The following FRMD3 variants were observed in gnomAD, a reference collection of about 807,000 sequenced individuals.
FRMD3 encodes FERM domain-containing protein 3.
FRMD3 carries 33 observed loss-of-function variants against 70.2 expected under a neutral mutation model. The observed-to-expected ratio is 0.47, with a 90% CI of 0.36 to 0.63. The LOEUF is 0.63. FRMD3 is among the 20% of genes least tolerant of loss of function. The pLI is 0.00. For missense variants in FRMD3, 632 were observed against 711.4 expected (o/e 0.89, Z 1.27); for synonymous variants, 279 against 255.9 (o/e 1.09, Z -0.86).
the FRMD3 span, among the ~76,000 whole-genome samples, chr9:83,545,835 A>G: frequency 6.6e-6 from 1 of 152,226 alleles, no homozygotes; most frequent in African/African-American, 2.4e-5. Flanking sequence ...TTACACATCC[A>G]GATACAAGAA....
At chr9:83,567,025 G>C in the FRMD3 span, among the ~76,000 whole-genome samples, 5 of 152,232 alleles carry the variant, frequency 3.3e-5, no homozygotes. Flanking sequence ...CTTCCACACT[G>C]CCCTAGCAGA....
At chr9:83,453,457 T>C (rs894075357) in intron 1 of FRMD3, among the ~76,000 whole-genome samples, 1 of 152,170 alleles carries the variant, frequency 6.6e-6, no homozygotes, top group African/African-American at 2.4e-5. Context: ...ATGGAATAGT[T>C]TGGATACGGG....
chr9:83,569,626 A>G, the FRMD3 span, among the ~76,000 whole-genome samples: 2 of 152,104 alleles, frequency 1.3e-5, no homozygotes, highest in Admixed American at 1.3e-4. Flanking sequence ...AGACTTTTTG[A>G]CCTGGCCTTC....
chr9:83,316,161 C>CTTTTTTTTTTTTTTTTTTTTTTT (rs34851421), intron 6 of FRMD3, among the ~76,000 whole-genome samples: 1 of 112,606 alleles, frequency 8.9e-6, no homozygotes, highest in Admixed American at 9.9e-5. Flanking sequence ...TTTTTTTTTT[C>CTTTTTTTTTTTTTTTTTTTTTTT]TTTTTTTTTT....
the FRMD3 span, among the ~76,000 whole-genome samples, chr9:83,568,955 GATAC>G: frequency 0.093 from 12,125 of 130,498 alleles, 556 homozygotes; most frequent in Admixed American, 0.11. Context: ...TAGATAGATA[GATAC>G]ATACATACAT....
At chr9:83,353,444 T>C (rs145483303) in intron 3 of FRMD3, among the ~76,000 whole-genome samples, 23 of 152,334 alleles carry the variant, frequency 1.5e-4, no homozygotes, top group African/African-American at 4.8e-4. Context: ...AATGCTGATC[T>C]AGTTATGGAT....
intron 1 of FRMD3, among the ~76,000 whole-genome samples, chr9:83,434,264 C>T (rs2131380643): frequency 6.6e-6 from 1 of 152,326 alleles, no homozygotes; most frequent in East Asian, 1.9e-4. Context: ...GGAGACTGTG[C>T]CGTGGTCTCC....
At chr9:83,542,988 T>G (rs531789013), upstream of FRMD3, among the ~76,000 whole-genome samples, 4 of 152,160 alleles carry the variant, frequency 2.6e-5, no homozygotes, top group South Asian at 8.3e-4. Context: ...ACAATAAAAC[T>G]TCTAGGAGAT....
At chr9:83,559,972 T>C in the FRMD3 span, among the ~76,000 whole-genome samples, 2 of 152,282 alleles carry the variant, frequency 1.3e-5, no homozygotes, top group Middle Eastern at 6.8e-3. Context: ...AGTCCCATGC[T>C]GATGGCCACA....
intron 4 of FRMD3, among the ~76,000 whole-genome samples, chr9:83,344,388 C>T (rs934885698): frequency 6.6e-6 from 1 of 152,094 alleles, no homozygotes; most frequent in Admixed American, 6.5e-5. Flanking sequence ...CTGGATTGAG[C>T]CATGGGATAC....
At chr9:83,249,247 C>T (rs142834788) in intron 13 of FRMD3, among the ~76,000 whole-genome samples, 3 of 152,156 alleles carry the variant, frequency 2.0e-5, no homozygotes, top group African/African-American at 7.2e-5. Context: ...AGTTCATTTG[C>T]TATAGATAGA....
At chr9:83,568,824 A>G in the FRMD3 span, among the ~76,000 whole-genome samples, 1 of 152,184 alleles carries the variant, frequency 6.6e-6, no homozygotes. Flanking sequence ...GATGATGGAT[A>G]AGTTAATTAG....
chr9:83,455,441 C>T (rs1310437966), intron 1 of FRMD3, among the ~76,000 whole-genome samples: 1 of 152,160 alleles, frequency 6.6e-6, no homozygotes, highest in Non-Finnish European at 1.5e-5. Context: ...AATTAAGTCT[C>T]ACGTGCTCTG....
intron 1 of FRMD3, among the ~76,000 whole-genome samples, chr9:83,513,981 T>C (rs1829396207): frequency 6.6e-6 from 1 of 152,184 alleles, no homozygotes; most frequent in Non-Finnish European, 1.5e-5. Flanking sequence ...ACCAGGAGAT[T>C]CCCTTGGGTG....
the FRMD3 span, among the ~76,000 whole-genome samples, chr9:83,545,524 A>AT: frequency 6.6e-6 from 1 of 151,552 alleles, no homozygotes; most frequent in East Asian, 1.9e-4. Flanking sequence ...CACCCAGCTA[A>AT]TTTTTTGTAT....
chr9:83,567,689 C>A, the FRMD3 span, among the ~76,000 whole-genome samples: 1 of 152,178 alleles, frequency 6.6e-6, no homozygotes, highest in African/African-American at 2.4e-5. Context: ...AGGGCAGGGG[C>A]AAAATGCAGC....
chr9:83,408,182 T>C (rs1016741569), intron 1 of FRMD3, among the ~76,000 whole-genome samples: 6 of 152,284 alleles, frequency 3.9e-5, no homozygotes, highest in Admixed American at 1.3e-4. Flanking sequence ...CTCAACGAGA[T>C]GAAAGCAAAG....
At chr9:83,383,239 G>T (rs1398004917) in intron 2 of FRMD3, among the ~76,000 whole-genome samples, 3 of 152,200 alleles carry the variant, frequency 2.0e-5, no homozygotes, top group Non-Finnish European at 4.4e-5. Context: ...TGGGGCAGAA[G>T]AATCTCCCAG....
intron 13 of FRMD3, among the ~76,000 whole-genome samples, chr9:83,283,852 G>A (rs950809474): frequency 6.6e-6 from 1 of 152,080 alleles, no homozygotes; most frequent in African/African-American, 2.4e-5. Context: ...GTCTGTATTT[G>A]TGTTAAATAT....
Sources: allele counts gnomAD v4.1 joint callset (sites outside exome capture counted in the v4.1 genomes callset), GRCh38; gene constraint gnomAD v4.1.1; transcripts MANE v1.5; gene names NCBI Gene and HGNC (gene_info 2026-07-23, HGNC 2026-07-21).